Variants in CHEK1 observed in about 807,000 individuals in gnomAD.
The protein encoded by CHEK1 is checkpoint kinase 1.
CHEK1 carries 32 observed loss-of-function variants against 60.2 expected under a neutral mutation model. The observed-to-expected ratio is 0.53, with a 90% confidence interval of 0.40 to 0.71. CHEK1 has a LOEUF of 0.71. Ranked by LOEUF, CHEK1 falls within the 30% of genes least tolerant of loss-of-function variation. The pLI, the probability that CHEK1 is intolerant of heterozygous loss-of-function variation, is 0.00. For synonymous variants in CHEK1, 179 were observed against 187.2 expected (o/e 0.96, Z 0.36); for missense variants, 399 against 564.6 (o/e 0.71, Z 2.97).
chr11:125,626,929 C>A, intron 2 of CHEK1, 96 bp downstream of exon 2: 1 of 1,371,236 alleles, frequency 7.3e-7, no homozygotes, highest in Non-Finnish European at 1.0e-6. Context: ...GTTTGAGATC[C>A]AAGGGTTTTG....
intron 5 of CHEK1, among the ~76,000 whole-genome samples, chr11:125,629,749 G>C (rs1940791306): frequency 2.0e-5 from 3 of 151,672 alleles, no homozygotes; most frequent in Admixed American, 2.0e-4. Flanking sequence ...TTTGATACAG[G>C]CTCACTGTGT....
chr11:125,650,805 T>A (rs1941696476), intron 11 of CHEK1, among the ~76,000 whole-genome samples: 1 of 150,430 alleles, frequency 6.6e-6, no homozygotes, highest in South Asian at 2.1e-4. Context: ...GTCCCATTAG[T>A]TTTAGTGGTC....
chr11:125,666,481 T>C (rs1942102679), intron 13 of CHEK1, among the ~76,000 whole-genome samples: 1 of 152,214 alleles, frequency 6.6e-6, no homozygotes, highest in Non-Finnish European at 1.5e-5. Context: ...TCTGCAGTAG[T>C]TGGATGAAAT....
intron 8 of CHEK1, 43 bp from the exon 9 acceptor site, chr11:125,643,749 G>T (rs1227646632): frequency 6.7e-7 from 1 of 1,485,870 alleles, no homozygotes; most frequent in African/African-American, 1.4e-5. Flanking sequence ...AAACATACTT[G>T]CATAGAAGAC....
intron 11 of CHEK1, among the ~76,000 whole-genome samples, chr11:125,648,332 C>T (rs901806646): frequency 6.6e-6 from 1 of 152,006 alleles, no homozygotes; most frequent in Admixed American, 6.5e-5. Flanking sequence ...CCTGTAATCC[C>T]AGCACTTTGG....
At chr11:125,646,485 A>G (rs914417463) in intron 11 of CHEK1, among the ~76,000 whole-genome samples, 2 of 152,152 alleles carry the variant, frequency 1.3e-5, no homozygotes, top group African/African-American at 4.8e-5. Flanking sequence ...TTAGATATAT[A>G]TGGAGGAATA....
chr11:125,631,667 G>C (rs1271500272), intron 5 of CHEK1, among the ~76,000 whole-genome samples: 1 of 151,382 alleles, frequency 6.6e-6, no homozygotes, highest in Non-Finnish European at 1.5e-5. Flanking sequence ...GACCAGCCTA[G>C]ACAACATAGA....
At chr11:125,672,403 G>T in intron 13 of CHEK1, 2 of 632,574 alleles carry the variant, frequency 3.2e-6, no homozygotes, top group South Asian at 2.4e-5. Context: ...GAGCAGGGAA[G>T]ACAGGACAGA....
downstream of CHEK1, among the ~76,000 whole-genome samples, chr11:125,680,282 G>C (rs1245485301): frequency 6.6e-6 from 1 of 152,166 alleles, no homozygotes; most frequent in African/African-American, 2.4e-5. Context: ...CCATGAAGAA[G>C]AGGCTTATGA....
At chr11:125,627,013 G>T (rs979247567) in intron 2 of CHEK1, among the ~76,000 whole-genome samples, 180 bp downstream of exon 2, 2 of 152,036 alleles carry the variant, frequency 1.3e-5, no homozygotes, top group Middle Eastern at 3.4e-3. Context: ...AGTTTTCTTT[G>T]TAGAGAGCTG....
At chr11:125,627,966 A>C (rs1940693413) in intron 3 of CHEK1, 136 bp downstream of exon 3, 1 of 647,936 alleles carries the variant, frequency 1.5e-6, no homozygotes. Context: ...ATCTTTAAAA[A>C]ATTTTTCCAC....
intron 13 of CHEK1, among the ~76,000 whole-genome samples, chr11:125,667,872 C>T (rs1942127012): frequency 6.6e-6 from 1 of 152,156 alleles, no homozygotes; most frequent in South Asian, 2.1e-4. Flanking sequence ...CCACCCACAT[C>T]AGCCTCCCAA....
intron 6 of CHEK1, among the ~76,000 whole-genome samples, chr11:125,633,651 T>C (rs1940951438): frequency 6.6e-6 from 1 of 152,154 alleles, no homozygotes; most frequent in African/African-American, 2.4e-5. Context: ...GGGATCTTGC[T>C]GTGTTGTCCA....
chr11:125,678,436 T>C, downstream of CHEK1: 2 of 1,027,998 alleles, frequency 1.9e-6, no homozygotes, highest in Non-Finnish European at 2.8e-6. Context: ...AGACTGCAGA[T>C]GTTGGGAAAA....
At chr11:125,677,846 G>A (rs78284286), downstream of CHEK1, 1,104 of 1,613,980 alleles carry the variant, frequency 6.8e-4, 1 homozygote, top group Non-Finnish European at 8.6e-4. Flanking sequence ...CCCCTGAAGC[G>A]TGCTCACCTG....
At chr11:125,667,968 G>A (rs1432847480) in intron 13 of CHEK1, among the ~76,000 whole-genome samples, 2 of 152,168 alleles carry the variant, frequency 1.3e-5, no homozygotes, top group Non-Finnish European at 2.9e-5. Flanking sequence ...TATGTTCATT[G>A]TAAGGATTAG....
chr11:125,667,037 A>G (rs908071155), intron 13 of CHEK1, among the ~76,000 whole-genome samples: 2 of 151,398 alleles, frequency 1.3e-5, no homozygotes, highest in African/African-American at 2.4e-5. Flanking sequence ...AAGGGTACAC[A>G]TGCCGGTTTA....
chr11:125,635,493 A>G lies in CHEK1; in HGVS notation c.678A>G (p.Thr226=), dbSNP rs370350660. 31 of 1,609,188 alleles carry G rather than the reference A, an allele frequency of 1.9e-5. No homozygotes were observed. The African/African-American group carries it at 3.5e-4, about 18-fold the overall frequency. The stretch of plus-strand genomic sequence containing the variant: ...ATTCTGACTGGAAAGAAAAAAAAAC[A>G]TACCTCAACCCTTGGAAAAAAATCG... ...QEYSDWKEKK[T]YLNPWKKIDS... The change falls in exon 7 of 13, where the codon ACA becomes ACG. Residue 226 remains threonine, a synonymous_variant. Coordinates refer to ENST00000438015, the MANE Select transcript of CHEK1 (RefSeq NM_001114122.3).
chr11:125,637,625 C>A, intron 8 of CHEK1, 81 bp downstream of exon 8: 1 of 864,660 alleles, frequency 1.2e-6, no homozygotes, highest in Non-Finnish European at 1.9e-6. Context: ...AAGTCAACAA[C>A]ACATGATAGC....
Sources: allele counts gnomAD v4.1 joint callset (sites outside exome capture counted in the v4.1 genomes callset), GRCh38; gene constraint gnomAD v4.1.1; transcripts MANE v1.5; gene names NCBI Gene and HGNC (gene_info 2026-07-23, HGNC 2026-07-21).